Variants in KCNIP4 observed in about 807,000 individuals in gnomAD.
The protein encoded by KCNIP4 is Kv channel-interacting protein 4.
A neutral mutation model predicts 34.0 loss-of-function variants in KCNIP4; 12 were observed. The observed-to-expected ratio is 0.35, with a 90% CI of 0.23 to 0.57. The LOEUF is 0.57. Among genes scored for constraint, KCNIP4 ranks in the 20% least tolerant of loss-of-function variants. The pLI, the probability that KCNIP4 is intolerant of heterozygous loss-of-function variation, is 0.83. For synonymous variants in KCNIP4, 124 were observed against 102.2 expected (o/e 1.21, Z -1.29); for missense variants, 238 against 311.7 (o/e 0.76, Z 1.78).
chr4:21,298,614 C>T (rs1411981723), intron 1 of KCNIP4, among the ~76,000 whole-genome samples: 2 of 152,096 alleles, frequency 1.3e-5, no homozygotes, highest in African/African-American at 4.8e-5. Flanking sequence ...TGAGAATAAA[C>T]ATTTCTGTCT....
chr4:21,357,153 A>G (rs1718713275), intron 1 of KCNIP4, among the ~76,000 whole-genome samples: 1 of 152,244 alleles, frequency 6.6e-6, no homozygotes, highest in African/African-American at 2.4e-5. Context: ...TACAACTTAT[A>G]GAAAAATTAA....
At chr4:20,840,886 T>C (rs1033537819) in intron 3 of KCNIP4, among the ~76,000 whole-genome samples, 5 of 152,256 alleles carry the variant, frequency 3.3e-5, no homozygotes, top group African/African-American at 7.2e-5. Flanking sequence ...TTTTAAGCCA[T>C]AGAGATCCCA....
At chr4:21,942,267 G>T (rs569744111) in intron 1 of KCNIP4, among the ~76,000 whole-genome samples, 86 of 152,194 alleles carry the variant, frequency 5.7e-4, no homozygotes, top group Non-Finnish European at 1.1e-3. Context: ...AATGGTGGTG[G>T]ATGTGGTGGT....
chr4:21,886,941 A>C (rs1020922195), intron 1 of KCNIP4, among the ~76,000 whole-genome samples: 1 of 152,070 alleles, frequency 6.6e-6, no homozygotes, highest in East Asian at 1.9e-4. Context: ...CCACTGAAAA[A>C]ACTGGATGAA....
intron 1 of KCNIP4, among the ~76,000 whole-genome samples, chr4:21,702,898 A>G (rs1283348817): frequency 6.6e-6 from 1 of 152,082 alleles, no homozygotes; most frequent in Non-Finnish European, 1.5e-5. Context: ...AAAGAAATAT[A>G]TATTATAGTC....
At position 21,405,096 on chromosome 4, in the gene KCNIP4, G is replaced by T. The variant is rs73798813; in HGVS notation, c.62-522387C>A. Among the ~76,000 whole-genome samples the T allele has an allele frequency of 6.4e-3, 980 of 152,184 alleles. 19 individuals carry two copies. The highest frequency in any genetic ancestry group is 0.022 in the African/African-American group (923 of 41,518). ...ATCCTCCATCCTCTGACCTCTCCCA[G>T]GTCTGATCACCCTGGCCTGCCTTCA... On this transcript the variant is annotated intron_variant, in intron 1 of 8. Transcript: ENST00000382152.
At chr4:20,767,165 C>T (rs936137437) in intron 3 of KCNIP4, 11 of 152,102 alleles carry the variant, frequency 7.2e-5, no homozygotes, top group Non-Finnish European at 1.5e-4. Flanking sequence ...TATTTATCAA[C>T]GTGGTTGAAT....
chr4:20,728,926 A>AAATAATCTGAATTATGATG lies in KCNIP4; in HGVS notation c.*1137_*1155dup, dbSNP rs1259596394. On this transcript the variant is annotated 3_prime_UTR_variant, in exon 9 of 9. Coordinates refer to ENST00000382152, the MANE Select transcript of KCNIP4 (RefSeq NM_025221.6). Reference sequence around the variant, plus strand: ...TTACAGTTTTGGCTAAGATGATTAAAAATAATCTGAATTATGATGAGCTAA... The same window carrying AAATAATCTGAATTATGATG: ...TTACAGTTTTGGCTAAGATGATTAAAAATAATCTGAATTATGATGAATAATCTGAATTATGATGAGCTAA... 1 of 143,906 alleles carries AAATAATCTGAATTATGATG rather than the reference A, an allele frequency of 6.9e-6. No homozygotes were observed. The highest frequency in any genetic ancestry group is 2.6e-5 in the African/African-American group (1 of 38,022). 8.9% of individuals were successfully genotyped at this position (143,906 alleles called of 1,614,324 possible).
chr4:20,772,394 G>A (rs1375850452), intron 3 of KCNIP4, among the ~76,000 whole-genome samples: 2 of 152,074 alleles, frequency 1.3e-5, no homozygotes, highest in Non-Finnish European at 1.5e-5. Context: ...AGCTTACTAC[G>A]GAGGAAGCAG....
intron 1 of KCNIP4, among the ~76,000 whole-genome samples, chr4:21,930,595 A>G (rs1257605077): frequency 6.6e-5 from 10 of 152,078 alleles, no homozygotes; most frequent in Admixed American, 5.9e-4. Flanking sequence ...ACCTCTCACC[A>G]TTCCCTGACT....
At chr4:20,867,946 C>A (rs1265270713) in intron 2 of KCNIP4, among the ~76,000 whole-genome samples, 1 of 151,726 alleles carries the variant, frequency 6.6e-6, no homozygotes, top group Non-Finnish European at 1.5e-5. Context: ...TGCAGCACAC[C>A]AACATGACAC....
intron 1 of KCNIP4, among the ~76,000 whole-genome samples, chr4:21,719,397 T>A (rs1714622205): frequency 6.6e-6 from 1 of 152,130 alleles, no homozygotes; most frequent in Admixed American, 6.5e-5. Flanking sequence ...AGAACAGCAT[T>A]TTTATATGTT....
At chr4:21,707,990 A>C (rs1713425147) in intron 1 of KCNIP4, among the ~76,000 whole-genome samples, 1 of 151,950 alleles carries the variant, frequency 6.6e-6, no homozygotes, top group Non-Finnish European at 1.5e-5. Flanking sequence ...GCTAATATAC[A>C]TATACAAAAT....
chr4:21,480,532 T>C (rs998452919), intron 1 of KCNIP4, among the ~76,000 whole-genome samples: 24 of 152,142 alleles, frequency 1.6e-4, no homozygotes, highest in Admixed American at 1.1e-3. Flanking sequence ...GAATACTCAC[T>C]TGCATCAAGC....
chr4:21,927,550 T>C (rs1397726740), intron 1 of KCNIP4, among the ~76,000 whole-genome samples: 7 of 152,150 alleles, frequency 4.6e-5, no homozygotes, highest in Non-Finnish European at 2.9e-5. Flanking sequence ...GAGACCTGTA[T>C]CCATGTCTTG....
At chr4:20,732,534 C>G in intron 7 of KCNIP4, 147 bp downstream of exon 7, 1 of 656,676 alleles carries the variant, frequency 1.5e-6, no homozygotes, top group Non-Finnish European at 2.7e-6. Context: ...AAAACCAAAG[C>G]TATTAAATTA....
chr4:21,556,931 A>AAAAAAAAAAAAAAC (rs1560514270), intron 1 of KCNIP4, among the ~76,000 whole-genome samples: 1 of 134,188 alleles, frequency 7.5e-6, no homozygotes, highest in African/African-American at 2.8e-5. Flanking sequence ...AGAAAAAAAA[A>AAAAAAAAAAAAAAC]AAAAAAAAAA....
chr4:20,829,497 G>A (rs1015105379), intron 3 of KCNIP4, among the ~76,000 whole-genome samples: 5 of 152,104 alleles, frequency 3.3e-5, no homozygotes, highest in Non-Finnish European at 5.9e-5. Context: ...GTGAGCCACC[G>A]CGCCTGGCCC....
At chr4:21,231,781 G>T (rs148088489) in intron 1 of KCNIP4, among the ~76,000 whole-genome samples, 1 of 152,106 alleles carries the variant, frequency 6.6e-6, no homozygotes, top group African/African-American at 2.4e-5. Context: ...TTGTCAGGAG[G>T]CAAGAGAGAG....
Sources: gnomAD v4.1 joint callset for allele counts (sites outside exome capture counted in the v4.1 genomes callset) on GRCh38, gnomAD v4.1.1 for gene constraint, MANE v1.5 for transcripts, NCBI Gene and HGNC (gene_info 2026-07-23, HGNC 2026-07-21) for gene names.